Variants in NKAIN3 observed in about 807,000 individuals in gnomAD.
NKAIN3 encodes the protein sodium/potassium transporting ATPase interacting 3.
A neutral mutation model predicts 30.2 loss-of-function variants in NKAIN3; 25 were observed. That is an observed-to-expected ratio of 0.83 (90% CI 0.60 to 1.16). NKAIN3 has a LOEUF of 1.16. Ranked by LOEUF, NKAIN3 falls within the 50% of genes most tolerant of loss-of-function variation. The pLI, the probability that NKAIN3 is intolerant of heterozygous loss-of-function variation, is 0.00. For missense variants in NKAIN3, 225 were observed against 254.1 expected (o/e 0.89, Z 0.78); for synonymous variants, 91 against 89.6 (o/e 1.02, Z -0.09).
chr8:62,596,568 A>G (rs1477578052), intron 3 of NKAIN3, among the ~76,000 whole-genome samples: 1 of 151,978 alleles, frequency 6.6e-6, no homozygotes, highest in Non-Finnish European at 1.5e-5. Context: ...TAGAGTCTGT[A>G]TATATATTTA....
chr8:62,686,098 C>T (rs1225720127), intron 3 of NKAIN3, among the ~76,000 whole-genome samples: 6 of 152,250 alleles, frequency 3.9e-5, no homozygotes, highest in South Asian at 2.1e-4. Context: ...GGACCTATCA[C>T]GGCTTACTCT....
chr8:62,350,403 G>T (rs77636065), intron 1 of NKAIN3, among the ~76,000 whole-genome samples: 6 of 152,070 alleles, frequency 3.9e-5, no homozygotes, highest in African/African-American at 1.2e-4. Flanking sequence ...GTTATATGAG[G>T]TACCTAGAGT....
chr8:62,474,399 AAATC>A (rs1433284981), intron 1 of NKAIN3: 1 of 152,194 alleles, frequency 6.6e-6, no homozygotes, highest in Admixed American at 6.5e-5. Flanking sequence ...AACGCTGGAC[AAATC>A]TGTGTGCTGG....
intron 4 of NKAIN3, among the ~76,000 whole-genome samples, chr8:62,790,741 A>C (rs1382028334): frequency 6.6e-6 from 1 of 152,234 alleles, no homozygotes; most frequent in African/African-American, 2.4e-5. Context: ...ACTGCACTTA[A>C]AAGCTATTGA....
chr8:62,791,957 G>A (rs778935100), intron 4 of NKAIN3, among the ~76,000 whole-genome samples: 11 of 152,056 alleles, frequency 7.2e-5, no homozygotes, highest in Non-Finnish European at 1.5e-4. Context: ...GTTTTGATAT[G>A]TATGCATTGT....
chr8:62,789,277 T>C (rs1167386253), intron 4 of NKAIN3, among the ~76,000 whole-genome samples: 1 of 152,180 alleles, frequency 6.6e-6, no homozygotes, highest in Admixed American at 6.5e-5. Flanking sequence ...TGCTAGGTAT[T>C]TTATTCTCTT....
intron 4 of NKAIN3, among the ~76,000 whole-genome samples, chr8:62,761,317 G>T (rs549909337): frequency 6.6e-6 from 1 of 151,896 alleles, no homozygotes; most frequent in South Asian, 2.1e-4. Flanking sequence ...TGCATACTGG[G>T]TTTGCTGCTT....
rs548967029 is a variant in NKAIN3 at position 62,992,480 on chromosome 8, A to G, written c.533-6751A>G. 5.3e-4 allele frequency among the ~76,000 whole-genome samples: 80 copies of G among 152,148 alleles called. 1 individual carries two copies. Among genetic ancestry groups the G allele is most frequent in the African/African-American group, 1.8e-3 (75 of 41,408 alleles). ...AGGGCCTGAGTTCTCTTGCCTTTAT[A>G]TAAAGAGAGGCTGACGCCTGTCCCA... On this transcript the variant is annotated intron_variant, in intron 5 of 5. Transcript: ENST00000519049.
intron 1 of NKAIN3, among the ~76,000 whole-genome samples, chr8:62,438,759 C>T (rs1805240844): frequency 6.6e-6 from 1 of 152,124 alleles, no homozygotes; most frequent in African/African-American, 2.4e-5. Flanking sequence ...GATGGGGTTT[C>T]ACCATGTTAC....
At chr8:62,383,185 C>T (rs1057189815) in intron 1 of NKAIN3, among the ~76,000 whole-genome samples, 21 of 152,134 alleles carry the variant, frequency 1.4e-4, no homozygotes, top group African/African-American at 4.8e-4. Flanking sequence ...AGGCAGTCCC[C>T]TACTGGCAAA....
intron 1 of NKAIN3, among the ~76,000 whole-genome samples, chr8:62,279,701 T>C (rs1813102600): frequency 6.6e-6 from 1 of 152,198 alleles, no homozygotes; most frequent in African/African-American, 2.4e-5. Flanking sequence ...TGGTATTATT[T>C]CTGAGAGCTC....
intron 4 of NKAIN3, among the ~76,000 whole-genome samples, chr8:62,758,833 G>A (rs1377857232): frequency 6.6e-6 from 1 of 152,170 alleles, no homozygotes; most frequent in Non-Finnish European, 1.5e-5. Context: ...GACTGACTGG[G>A]AAAGGGAAAT....
chr8:62,273,638 T>G (rs368360142), intron 1 of NKAIN3, among the ~76,000 whole-genome samples: 185 of 152,326 alleles, frequency 1.2e-3, no homozygotes, highest in Non-Finnish European at 2.3e-3. Flanking sequence ...TGTGCCACAG[T>G]GTTAATACCA....
intron 1 of NKAIN3, among the ~76,000 whole-genome samples, chr8:62,423,137 C>G (rs1027663946): frequency 6.6e-6 from 1 of 152,048 alleles, no homozygotes; most frequent in East Asian, 1.9e-4. Flanking sequence ...TTTATATCCA[C>G]TGGCCAGAAA....
intron 1 of NKAIN3, among the ~76,000 whole-genome samples, chr8:62,308,439 G>A (rs1814323395): frequency 6.6e-6 from 1 of 150,554 alleles, no homozygotes; most frequent in South Asian, 2.1e-4. Flanking sequence ...CTTAATTTGT[G>A]TGGTGATGTG....
intron 3 of NKAIN3, among the ~76,000 whole-genome samples, chr8:62,671,013 A>C (rs945659647): frequency 1.3e-5 from 2 of 152,150 alleles, no homozygotes; most frequent in East Asian, 3.9e-4. Flanking sequence ...GTGGCATGAC[A>C]GATGTTTTTA....
At chr8:62,814,793 T>C (rs182056738) in intron 4 of NKAIN3, among the ~76,000 whole-genome samples, 3 of 151,846 alleles carry the variant, frequency 2.0e-5, no homozygotes, top group Admixed American at 1.3e-4. Flanking sequence ...AGATCCAAAA[T>C]TGACACCCTA....
chr8:62,307,324 A>G (rs1187285159), intron 1 of NKAIN3, among the ~76,000 whole-genome samples: 1 of 149,178 alleles, frequency 6.7e-6, no homozygotes, highest in African/African-American at 2.5e-5. Flanking sequence ...AATTCTATAT[A>G]AACCCTGTTC....
Position 62,889,388 on chromosome 8 carries a change from T to C in NKAIN3, c.472-29065T>C, listed in dbSNP as rs182343109. 2.6e-5 allele frequency among the ~76,000 whole-genome samples: 4 copies of C among 151,684 alleles called. No homozygotes were observed. In the East Asian group the frequency reaches 5.8e-4, roughly 22 times the overall value. ...TCCATCTCGAAAAAAATAATAATAA[T>C]AATAAAATAAAATAAAACAAAACTT... is the stretch of plus-strand genomic sequence containing the variant. On this transcript the variant is annotated intron_variant, in intron 4 of 6. Transcript: ENST00000623646.
Sources: allele counts gnomAD v4.1 joint callset (sites outside exome capture counted in the v4.1 genomes callset), GRCh38; gene constraint gnomAD v4.1.1; transcripts MANE v1.5; gene names NCBI Gene and HGNC (gene_info 2026-07-23, HGNC 2026-07-21).